Variants in HNF4G observed in about 807,000 individuals in gnomAD.
HNF4G encodes hepatocyte nuclear factor 4 gamma, also known as hepatocyte nuclear factor 4-gamma.
Under a neutral mutation model 50.9 loss-of-function variants are expected in HNF4G, and 21 were observed. That is an observed-to-expected ratio of 0.41 (90% CI 0.29 to 0.59). The LOEUF is 0.59. Among genes scored for constraint, HNF4G ranks in the 20% least tolerant of loss-of-function variants. The pLI is 0.26. For synonymous variants in HNF4G, 198 were observed against 185.6 expected, an observed-to-expected ratio of 1.07 and a Z score of -0.54; for missense variants, 527 against 559.4, an observed-to-expected ratio of 0.94 and a Z score of 0.58.
At chr8:75,511,623 G>A (rs539860080) in intron 2 of HNF4G, among the ~76,000 whole-genome samples, 5 of 152,262 alleles carry the variant, frequency 3.3e-5, no homozygotes, top group East Asian at 3.9e-4. Context: ...ACGAAGTCTC[G>A]CTCTGTCGCC....
chr8:75,457,066 A>C (rs11777013), intron 1 of HNF4G, among the ~76,000 whole-genome samples: 7,597 of 152,270 alleles, frequency 0.05, 275 homozygotes, highest in African/African-American at 0.091. Flanking sequence ...TAATTTGGTT[A>C]AATATTTATA....
At chr8:75,477,384 G>C (rs1392606326) in intron 1 of HNF4G, among the ~76,000 whole-genome samples, 1 of 152,024 alleles carries the variant, frequency 6.6e-6, no homozygotes, top group African/African-American at 2.4e-5. Context: ...TTGTCTATTG[G>C]ATCCTCTACA....
intron 1 of HNF4G, among the ~76,000 whole-genome samples, chr8:75,428,735 T>C (rs1810941321): frequency 6.6e-6 from 1 of 152,214 alleles, no homozygotes; most frequent in East Asian, 1.9e-4. Flanking sequence ...AACAGTATCA[T>C]GAAGAATATT....
intron 1 of HNF4G, among the ~76,000 whole-genome samples, chr8:75,433,041 T>C (rs899388545): frequency 5.9e-5 from 9 of 152,120 alleles, no homozygotes; most frequent in Non-Finnish European, 7.4e-5. Context: ...ACACCTTAAG[T>C]GTACCCTGTG....
upstream of HNF4G, chr8:75,408,017 C>G (rs377315032): frequency 3.9e-5 from 6 of 152,086 alleles, no homozygotes; most frequent in Non-Finnish European, 8.8e-5. Context: ...CGCACCGCCC[C>G]GGCGGCTGCC....
At chr8:75,442,378 G>A (rs1477972781) in intron 1 of HNF4G, among the ~76,000 whole-genome samples, 1 of 151,752 alleles carries the variant, frequency 6.6e-6, no homozygotes, top group African/African-American at 2.4e-5. Flanking sequence ...TTATAAATAG[G>A]CAAGACTTTT....
chr8:75,450,873 G>GT (rs375506800), intron 1 of HNF4G, among the ~76,000 whole-genome samples: 7 of 152,148 alleles, frequency 4.6e-5, no homozygotes, highest in African/African-American at 1.7e-4. Context: ...TGTTAGAAAG[G>GT]TGAGTTCAGA....
chr8:75,470,274 A>T (rs1288809313), intron 1 of HNF4G, among the ~76,000 whole-genome samples: 1 of 152,230 alleles, frequency 6.6e-6, no homozygotes, highest in Non-Finnish European at 1.5e-5. Flanking sequence ...GCATTAAAAG[A>T]TCCTCATAAA....
intron 1 of HNF4G, among the ~76,000 whole-genome samples, chr8:75,411,224 G>C (rs763153894): frequency 2.0e-5 from 3 of 152,208 alleles, no homozygotes; most frequent in Non-Finnish European, 4.4e-5. Context: ...GCTGCACAAA[G>C]GTGCCTAACT....
At chr8:75,557,058 C>G (rs1378908961) in intron 6 of HNF4G, among the ~76,000 whole-genome samples, 2 of 152,064 alleles carry the variant, frequency 1.3e-5, no homozygotes, top group Non-Finnish European at 2.9e-5. Context: ...GGAGACTATG[C>G]CCTGAAATGC....
intron 1 of HNF4G, among the ~76,000 whole-genome samples, chr8:75,422,974 G>A (rs1036152015): frequency 3.3e-5 from 5 of 152,100 alleles, no homozygotes; most frequent in African/African-American, 7.2e-5. Flanking sequence ...CGATTTTACA[G>A]ATGGGTGTTA....
chr8:75,546,759 T>C (rs1426638282), intron 2 of HNF4G, among the ~76,000 whole-genome samples: 1 of 152,158 alleles, frequency 6.6e-6, no homozygotes, highest in East Asian at 1.9e-4. Context: ...ACATTTTGTT[T>C]TTCTATTATC....
chr8:75,461,202 G>GTACAAAA (rs1386359426), intron 1 of HNF4G, among the ~76,000 whole-genome samples: 1 of 152,146 alleles, frequency 6.6e-6, no homozygotes, highest in Non-Finnish European at 1.5e-5. Flanking sequence ...AAGTACAAAA[G>GTACAAAA]GGGTTTTACT....
At chr8:75,426,192 T>G (rs1237386358) in intron 1 of HNF4G, among the ~76,000 whole-genome samples, 3 of 152,172 alleles carry the variant, frequency 2.0e-5, no homozygotes, top group East Asian at 3.9e-4. Context: ...TATTCCTAAG[T>G]TTTTAGACTT....
In HNF4G at chr8:75,551,487, C is replaced by A. The variant is rs2130801822; in HGVS notation, c.482C>A (p.Ser161Tyr). 1.3e-6 allele frequency: 2 copies of A among 1,594,096 alleles called. No individual in the cohort carries two copies. The highest frequency in any genetic ancestry group is 2.2e-5 in the East Asian group (1 of 44,748). ...ACACTGGCACAAGCTGAAGTTCGGT[C>A]TCGCCAGGTACCTGTGGCACGGCAG... ...INTLAQAEVR[S>Y]RQISVSSPGS... The change falls in exon 4 of 10, where the codon TCT becomes TAT. Residue 161 changes from serine to tyrosine, a missense_variant. By Grantham distance (144) the Ser-to-Tyr change is moderately radical. Transcript: ENST00000396423.
At chr8:75,448,884 T>C (rs1427345725) in intron 1 of HNF4G, among the ~76,000 whole-genome samples, 2 of 152,194 alleles carry the variant, frequency 1.3e-5, no homozygotes, top group African/African-American at 4.8e-5. Context: ...TTATTTTCTA[T>C]ATTACAAATG....
intron 1 of HNF4G, among the ~76,000 whole-genome samples, chr8:75,540,758 CT>C (rs913839745): frequency 5.3e-5 from 8 of 151,642 alleles, no homozygotes; most frequent in African/African-American, 1.9e-4. Flanking sequence ...TGAATTTAGA[CT>C]TAATACCCGG....
At chr8:75,520,953 A>G (rs1806024151) in intron 2 of HNF4G, among the ~76,000 whole-genome samples, 2 of 151,984 alleles carry the variant, frequency 1.3e-5, no homozygotes, top group Admixed American at 6.6e-5. Context: ...AGTATCTTTA[A>G]TTATTGTGTG....
At chr8:75,449,484 C>T (rs1426202209) in intron 1 of HNF4G, among the ~76,000 whole-genome samples, 1 of 149,672 alleles carries the variant, frequency 6.7e-6, no homozygotes, top group Non-Finnish European at 1.5e-5. Context: ...TATGCATTAT[C>T]TCAGTAATAT....
Sources: allele counts gnomAD v4.1 joint callset (sites outside exome capture counted in the v4.1 genomes callset), GRCh38; gene constraint gnomAD v4.1.1; transcripts MANE v1.5; gene names NCBI Gene and HGNC (gene_info 2026-07-23, HGNC 2026-07-21).